RBM26: variants seen among roughly 807,000 people sequenced by gnomAD.
RBM26 encodes RNA-binding protein 26.
A neutral mutation model predicts 123.6 loss-of-function variants in RBM26; 30 were observed. The observed-to-expected ratio is 0.24, with a 90% CI of 0.18 to 0.33. RBM26 has a LOEUF of 0.33. RBM26 is among the 10% of genes least tolerant of loss of function. The pLI is 1.00. For missense variants in RBM26, 947 were observed against 1,203.6 expected, an observed-to-expected ratio of 0.79 and a Z score of 3.15; for synonymous variants, 400 against 404.4, an observed-to-expected ratio of 0.99 and a Z score of 0.13.
rs893257867 is a variant in RBM26 at position 79,345,545 on chromosome 13, G to A, written c.2059-751C>T. ...ATAAAGACTTGCCTTTCTCTTCTGC[G>A]CATCTTCCAGTACCTAAGTCTTGCC... On this transcript the variant is annotated intron_variant, in intron 14 of 21. Transcript: ENST00000438737. 9.9e-5 allele frequency among the ~76,000 whole-genome samples: 15 copies of A among 151,892 alleles called. No homozygotes were observed. The East Asian group carries it at 2.3e-3, about 23-fold the overall frequency.
Position 79,342,757 on chromosome 13 carries a change from C to G in RBM26, c.2334G>C (p.Glu778Asp), listed in dbSNP as rs2071627595. Residue 778 changes from glutamate (E) to aspartate (D), a missense_variant, in exon 17 of 22, where the codon GAG becomes GAC. Physicochemically the swap from Glu to Asp is conservative, Grantham distance 45. Around this residue, in one of 5 missense-constraint regions of RBM26, gnomAD observed 493 missense variants for 563.1 expected, o/e 0.88. Transcript: ENST00000438737. ...ACTTGGTAATATTTTTTGTCAAAAC[C>G]TCTAAAGTTTTCATTATTTCTGCTT... ...EDKAEIMKTL[E>D]VLTKNITKLK... 1.1e-5 allele frequency: 18 copies of G among 1,610,916 alleles called. No homozygotes were observed. The highest frequency in any genetic ancestry group is 1.2e-5 in the Non-Finnish European group (14 of 1,177,688).
At chr13:79,394,308 T>C (rs557388534) in intron 1 of RBM26, among the ~76,000 whole-genome samples, 2 of 152,198 alleles carry the variant, frequency 1.3e-5, no homozygotes, top group Non-Finnish European at 2.9e-5. Context: ...GGCCCTTCAA[T>C]GATTCCACCT....
Position 79,405,561 on chromosome 13 carries a change from CGAG to C in RBM26, c.71+140_71+142del, listed in dbSNP as rs1264865050. ...ATCCTGAATCTGGAAGCGAGGTGGA[CGAG>C]GAGGAGAAGCCACAGAACCCTGGGA... On this transcript the variant is annotated intron_variant, in intron 1 of 21. Transcript: ENST00000438737. The C allele has an allele frequency of 1.6e-5, 7 of 449,696 alleles. No individual in the cohort carries two copies. In the Admixed American group the frequency reaches 1.6e-4, roughly 10 times the overall value. The allele number at this position is 449,696 out of a possible 1,614,324, so 27.9% of individuals were successfully genotyped here.
chr13:79,383,337 T>C (rs2077218777), intron 1 of RBM26, among the ~76,000 whole-genome samples: 1 of 152,152 alleles, frequency 6.6e-6, no homozygotes, highest in Admixed American at 6.5e-5. Context: ...TCTACATATA[T>C]TAGTAATAGA....
At chr13:79,405,193 T>C (rs1009571363) in intron 1 of RBM26, among the ~76,000 whole-genome samples, 62 of 152,346 alleles carry the variant, frequency 4.1e-4, no homozygotes, top group African/African-American at 1.5e-3. Flanking sequence ...GGAATTTTAC[T>C]GGCCACCTCA....
chr13:79,332,141 T>G (rs1360220995), intron 20 of RBM26, among the ~76,000 whole-genome samples: 2 of 152,180 alleles, frequency 1.3e-5, no homozygotes, highest in Non-Finnish European at 2.9e-5. Context: ...AGGATAATGG[T>G]CCAGAAAACA....
At position 79,337,195 on chromosome 13, in the gene RBM26, C is replaced by G. The variant is rs748286336; in HGVS notation, c.2640G>C (p.Val880=). The G allele has an allele frequency of 1.2e-6, 2 of 1,614,146 alleles. No homozygotes were observed. The highest frequency in any genetic ancestry group is 1.7e-6 in the Non-Finnish European group (2 of 1,180,012). The change falls in exon 19 of 22, where the codon GTG becomes GTC. Residue 880 remains valine (V), a synonymous_variant. Transcript: ENST00000438737. ...RGRGRGRGRG[V]PGHAVVDHRP... ...GGTGATCCACCACAGCATGACCAGG[C>G]ACACCTCGCCCTCGCCCTCGCCCCC...
chr13:79,355,157 G>A (rs747312357), intron 12 of RBM26, 63 bp downstream of exon 12: 10 of 1,484,486 alleles, frequency 6.7e-6, no homozygotes, highest in African/African-American at 1.4e-5. Context: ...GCCTCTACTC[G>A]TAAACGCTAT....
intron 1 of RBM26, among the ~76,000 whole-genome samples, chr13:79,381,014 G>C (rs1049793499): frequency 1.3e-5 from 2 of 152,054 alleles, no homozygotes; most frequent in Non-Finnish European, 2.9e-5. Context: ...TTACAAGTTA[G>C]AGTAACTAAC....
At chr13:79,403,017 G>A (rs745352207) in intron 1 of RBM26, among the ~76,000 whole-genome samples, 1 of 151,580 alleles carries the variant, frequency 6.6e-6, no homozygotes, top group Non-Finnish European at 1.5e-5. Flanking sequence ...TAAGTTTCAA[G>A]TTACAGCTTA....
At chr13:79,334,319 T>A (rs766940698) in intron 20 of RBM26, 25 bp downstream of exon 20, 1 of 1,273,888 alleles carries the variant, frequency 7.8e-7, no homozygotes, top group Non-Finnish European at 1.1e-6. Context: ...TAAATCTGAA[T>A]TGATAAATTA....
chr13:79,402,829 A>G (rs2079165716), intron 1 of RBM26, among the ~76,000 whole-genome samples: 1 of 147,724 alleles, frequency 6.8e-6, no homozygotes, highest in Admixed American at 6.9e-5. Context: ...CTAAATGGTA[A>G]ATAAAATGAA....
At chr13:79,384,115 G>A (rs1266457114) in intron 1 of RBM26, among the ~76,000 whole-genome samples, 1 of 152,086 alleles carries the variant, frequency 6.6e-6, no homozygotes, top group African/African-American at 2.4e-5. Context: ...CAAATTAACT[G>A]CTTCAGTGAG....
intron 2 of RBM26, among the ~76,000 whole-genome samples, 161 bp from the exon 3 acceptor site, chr13:79,377,676 C>T (rs2076760557): frequency 6.6e-6 from 1 of 152,096 alleles, no homozygotes; most frequent in Admixed American, 6.6e-5. Context: ...TCTGTAATCC[C>T]AGCACTTTGG....
rs1194227320 is a variant in RBM26 at position 79,354,507 on chromosome 13, G to A, written c.1918C>T (p.Leu640=). Residue 640 remains leucine (L), a synonymous_variant, in exon 13 of 22, where the codon CTG becomes TTG. Coordinates refer to ENST00000438737, the MANE Select transcript of RBM26 (RefSeq NM_001366735.2). ...ATAGTACTTGAAGGTACTGGACCCA[G>A]CCGCTCTTTGACTGACTGCTTCACA... ...PVVKQSVKER[L]GPVPSSTIEP... is the part of the protein sequence containing the mutation. 6.2e-7 allele frequency: 1 copy of A among 1,609,878 alleles called. No individual in the cohort carries two copies. Among genetic ancestry groups the A allele is most frequent in the Non-Finnish European group, 8.5e-7 (1 of 1,177,200 alleles).
intron 6 of RBM26, among the ~76,000 whole-genome samples, chr13:79,367,394 G>A (rs2139910431): frequency 1.3e-5 from 1 of 74,276 alleles, no homozygotes; most frequent in African/African-American, 3.4e-5. Context: ...GGTATAGGGG[G>A]AGACTCCATC....
At chr13:79,380,820 A>C (rs1459109358) in intron 1 of RBM26, among the ~76,000 whole-genome samples, 1 of 152,012 alleles carries the variant, frequency 6.6e-6, no homozygotes, top group Non-Finnish European at 1.5e-5. Context: ...TCTACTTTCT[A>C]CTTATATGAG....
intron 7 of RBM26, 125 bp downstream of exon 7, chr13:79,366,508 G>T: frequency 2.1e-6 from 2 of 974,628 alleles, no homozygotes; most frequent in Non-Finnish European, 3.0e-6. Flanking sequence ...GAAGTATACT[G>T]CTATTAATTT....
downstream of RBM26, chr13:79,318,841 A>G (rs2067384180): frequency 1.0e-6 from 1 of 978,964 alleles, no homozygotes; most frequent in Non-Finnish European, 1.2e-6. Context: ...TAAAGAGAAG[A>G]AACGTGAGCC....
Sources: gnomAD v4.1 joint callset for allele counts (sites outside exome capture counted in the v4.1 genomes callset) on GRCh38, gnomAD v4.1.1 for gene constraint, gnomAD v4.1.1 regional missense constraint, MANE v1.5 for transcripts, NCBI Gene and HGNC (gene_info 2026-07-23, HGNC 2026-07-21) for gene names.